Variants in DNAI7 observed in about 807,000 individuals in gnomAD.
The protein encoded by DNAI7 is cancer susceptibility 1.
In DNAI7, 78 loss-of-function variants were observed where a neutral mutation model predicts 86.6. That is an observed-to-expected ratio of 0.90 (90% CI 0.75 to 1.09). The LOEUF is 1.09. DNAI7 is among the 50% of genes least tolerant of loss of function. DNAI7 has a pLI of 0.00. For synonymous variants in DNAI7, 274 were observed against 273.0 expected, an observed-to-expected ratio of 1.00 and a Z score of -0.04; for missense variants, 753 against 810.2, an observed-to-expected ratio of 0.93 and a Z score of 0.86.
chr12:25,125,413 G>A (rs986568101), intron 9 of DNAI7, among the ~76,000 whole-genome samples: 2 of 152,294 alleles, frequency 1.3e-5, no homozygotes, highest in South Asian at 4.1e-4. Flanking sequence ...CCACACGTAT[G>A]TCTTCTTTTG....
intron 9 of DNAI7, among the ~76,000 whole-genome samples, chr12:25,141,253 T>A (rs1395683276): frequency 6.6e-6 from 1 of 152,134 alleles, no homozygotes; most frequent in Non-Finnish European, 1.5e-5. Flanking sequence ...AAAGAAATAA[T>A]CAGCAGAGTA....
chr12:25,153,299 G>A (rs968455795), intron 6 of DNAI7, among the ~76,000 whole-genome samples: 2 of 152,150 alleles, frequency 1.3e-5, no homozygotes, highest in African/African-American at 4.8e-5. Context: ...GCACATGACT[G>A]TAATTCCAGC....
intron 8 of DNAI7, among the ~76,000 whole-genome samples, chr12:25,145,064 G>A (rs920850325): frequency 2.6e-5 from 4 of 152,104 alleles, no homozygotes; most frequent in African/African-American, 9.7e-5. Flanking sequence ...TCAGAGGTTT[G>A]TAATATGAGC....
chr12:25,180,588 G>A (rs1949405550), intron 2 of DNAI7, among the ~76,000 whole-genome samples: 1 of 152,090 alleles, frequency 6.6e-6, no homozygotes, highest in East Asian at 1.9e-4. Flanking sequence ...TATAAAAATA[G>A]ATCAATGGAA....
chr12:25,144,493 TAAC>T lies in DNAI7; in HGVS notation c.871_873del (p.Val291del), dbSNP rs752069789. On this transcript the variant is annotated inframe_deletion, in exon 9 of 16. Coordinates refer to ENST00000395987, the MANE Select transcript of DNAI7 (RefSeq NM_018272.5). ...TTGCTGATTGCTTTTTCTACATTCTTAACATCATCTTTGACAAGCTCAGTTACT... is the reference window on the plus strand; with the variant it reads ...TTGCTGATTGCTTTTTCTACATTCTTATCATCTTTGACAAGCTCAGTTACT... 5 of 1,614,060 alleles carry T rather than the reference TAAC, an allele frequency of 3.1e-6. No homozygotes were observed. In the East Asian group the frequency reaches 8.9e-5, roughly 29 times the overall value.
chr12:25,183,199 G>A (rs1459038237), intron 2 of DNAI7, among the ~76,000 whole-genome samples: 2 of 151,984 alleles, frequency 1.3e-5, no homozygotes, highest in Non-Finnish European at 2.9e-5. Flanking sequence ...ATGGTCATAA[G>A]GGTAGAAACA....
chr12:25,163,674 C>T (rs1947099511), intron 2 of DNAI7, among the ~76,000 whole-genome samples: 1 of 152,108 alleles, frequency 6.6e-6, no homozygotes, highest in African/African-American at 2.4e-5. Context: ...GAGATCAATC[C>T]CCTGTCCTGC....
At chr12:25,146,920 A>G (rs1944915262) in intron 8 of DNAI7, 81 bp downstream of exon 8, 10 of 759,708 alleles carry the variant, frequency 1.3e-5, no homozygotes, top group Non-Finnish European at 2.3e-5. Context: ...GCTGCTATGC[A>G]ATAGGCATCT....
Position 25,117,938 on chromosome 12 carries a change from C to CTTTTT in DNAI7, c.1396+1202_1396+1206dup, listed in dbSNP as rs776942936. 1.2e-4 allele frequency among the ~76,000 whole-genome samples: 16 copies of CTTTTT among 135,018 alleles called. 1 individual carries two copies. The highest frequency in any genetic ancestry group is 2.1e-4 in the East Asian group (1 of 4,710). The allele number at this position is 135,018 out of a possible 152,430, so 88.6% of individuals were successfully genotyped here. A position where few individuals can be genotyped will look rare whatever the true frequency, so the allele number is the denominator to read the frequency against. ...TAAACTATTTTGATATTTTCTTTTT[C>CTTTTT]TTTTTTTTTTTTTTTTTGAGACGGA... On this transcript the variant is annotated intron_variant, in intron 12 of 15. Coordinates refer to ENST00000395987, the MANE Select transcript of DNAI7 (RefSeq NM_018272.5).
At chr12:25,193,218 T>C (rs1030629267) in intron 1 of DNAI7, among the ~76,000 whole-genome samples, 4 of 152,226 alleles carry the variant, frequency 2.6e-5, no homozygotes, top group East Asian at 1.9e-4. Context: ...TTTGATCTAA[T>C]TGGAGACAGG....
chr12:25,108,386 A>G lies in DNAI7; in HGVS notation c.*162T>C. ...AGGCCAAGTATTCAAAGGAAAAAAA[A>G]ATACTGTTTTTAAAATAAAACTTGA... is the stretch of plus-strand genomic sequence containing the variant. On this transcript the variant is annotated 3_prime_UTR_variant, in exon 16 of 16. Transcript: ENST00000395987. 3 of 654,984 alleles carry G rather than the reference A, an allele frequency of 4.6e-6. No individual in the cohort carries two copies. The highest frequency in any genetic ancestry group is 7.2e-6 in the Non-Finnish European group (3 of 414,794). The allele number at this position is 654,984 out of a possible 1,614,324, so 40.6% of individuals were successfully genotyped here.
chr12:25,132,727 G>A (rs764433583), intron 9 of DNAI7, among the ~76,000 whole-genome samples: 4 of 150,330 alleles, frequency 2.7e-5, no homozygotes, highest in Non-Finnish European at 5.9e-5. Flanking sequence ...CAATCTGATA[G>A]GAAAACAAAT....
Position 25,144,383 on chromosome 12 carries a change from A to T in DNAI7, c.984T>A (p.Gly328=). The change falls in exon 9 of 16, where the codon GGT becomes GGA. Residue 328 remains glycine (G), a synonymous_variant. Coordinates refer to ENST00000395987, the MANE Select transcript of DNAI7 (RefSeq NM_018272.5). ...GTCCTACCATTTTCACTTCAATATC[A>T]CCTTGTTCCTCCTCAACTTTTATTT... ...EEEIKVEEEQ[G]DIEVKMSSAE... The T allele has an allele frequency of 6.2e-7, 1 of 1,613,290 alleles. No homozygotes were observed. The highest frequency in any genetic ancestry group is 8.5e-7 in the Non-Finnish European group (1 of 1,179,562).
intron 9 of DNAI7, among the ~76,000 whole-genome samples, chr12:25,132,222 A>G (rs1157990876): frequency 6.6e-6 from 1 of 152,170 alleles, no homozygotes; most frequent in Non-Finnish European, 1.5e-5. Flanking sequence ...ATAACACAAT[A>G]GAGTATAGAC....
At chr12:25,151,233 G>T (rs4280085) in intron 6 of DNAI7, among the ~76,000 whole-genome samples, 104,106 of 152,112 alleles carry the variant, frequency 0.68, 39,669 homozygotes, top group East Asian at 0.99. Context: ...TTGGAAAAAT[G>T]GGGTTTTTAG....
At chr12:25,169,479 A>T (rs1947883246) in intron 2 of DNAI7, among the ~76,000 whole-genome samples, 1 of 152,320 alleles carries the variant, frequency 6.6e-6, no homozygotes, top group South Asian at 2.1e-4. Context: ...GCTCACACAA[A>T]GCCTGTTTGG....
At chr12:25,144,060 T>G (rs1446206262) in intron 9 of DNAI7, among the ~76,000 whole-genome samples, 1 of 152,196 alleles carries the variant, frequency 6.6e-6, no homozygotes, top group African/African-American at 2.4e-5. Flanking sequence ...CAAGTTCCCT[T>G]GAATTTGAAA....
chr12:25,114,155 G>C (rs1292302213), intron 13 of DNAI7, among the ~76,000 whole-genome samples: 2 of 151,396 alleles, frequency 1.3e-5, no homozygotes, highest in Non-Finnish European at 3.0e-5. Flanking sequence ...GGCCAGGCTG[G>C]TCTCGAACTG....
At chr12:25,135,740 A>C (rs1434828369) in intron 9 of DNAI7, among the ~76,000 whole-genome samples, 4 of 146,064 alleles carry the variant, frequency 2.7e-5, no homozygotes, top group Non-Finnish European at 3.0e-5. Context: ...ACTTTCCCCC[A>C]CCTCTCTGGC....
Sources: gnomAD v4.1 joint callset for allele counts (sites outside exome capture counted in the v4.1 genomes callset) on GRCh38, gnomAD v4.1.1 for gene constraint, MANE v1.5 for transcripts, NCBI Gene and HGNC (gene_info 2026-07-23, HGNC 2026-07-21) for gene names.